Variants in SEPTIN9 observed in about 807,000 individuals in gnomAD.
SEPTIN9 encodes the protein septin 9, also known as septin-9.
In SEPTIN9, 13 loss-of-function variants were observed where a neutral mutation model predicts 56.6. That is an observed-to-expected ratio of 0.23 (90% CI 0.15 to 0.37). SEPTIN9 has a LOEUF of 0.37. Among genes scored for constraint, SEPTIN9 ranks in the 10% least tolerant of loss-of-function variants. SEPTIN9 has a pLI of 1.00. For missense variants in SEPTIN9, 650 were observed against 823.1 expected (o/e 0.79, Z 2.57); for synonymous variants, 332 against 334.1 (o/e 0.99, Z 0.07).
rs2032803589 is a variant in SEPTIN9, at chr17:77,318,986, T to C, written c.76+11789T>C. Among the ~76,000 whole-genome samples the C allele has an allele frequency of 1.3e-5, 2 of 152,216 alleles. No individual in the cohort carries two copies. Among genetic ancestry groups the C allele is most frequent in the South Asian group, 4.1e-4 (2 of 4,836 alleles). ...TTGTCTGAAGAGCAGAACTGTCTTA[T>C]ACCAGCCCTGTGCGGCCAGGCAGGA... On this transcript the variant is annotated intron_variant, in intron 2 of 11. Transcript: ENST00000427177. This position sits in a 1 kb window ranked among gnomAD's most constrained non-coding sequence, Gnocchi z 4.9.
chr17:77,321,241 TAA>T (rs1478427270), intron 2 of SEPTIN9, among the ~76,000 whole-genome samples: 1 of 152,070 alleles, frequency 6.6e-6, no homozygotes, highest in African/African-American at 2.4e-5. Context: ...GGGAGGTCGC[TAA>T]GAGTGTCAAC....
At position 77,450,845 on chromosome 17, in the gene SEPTIN9, C is replaced by G. The variant is rs2037937112; in HGVS notation, c.722-31299C>G. Reference sequence around the variant, plus strand: ...CCTGCTCCTTCTCCCTTCCATGGTCCCAGCCAGCAAGCACCTGGGGTAGAG... The same window carrying G: ...CCTGCTCCTTCTCCCTTCCATGGTCGCAGCCAGCAAGCACCTGGGGTAGAG... On this transcript the variant is annotated intron_variant, in intron 3 of 11. Coordinates refer to ENST00000427177, the MANE Select transcript of SEPTIN9 (RefSeq NM_001113491.2). The surrounding 1 kb of genome is among the most constrained non-coding windows in gnomAD (Gnocchi z 6.0). 2.0e-6 allele frequency: 2 copies of G among 979,718 alleles called. No individual in the cohort carries two copies. Among genetic ancestry groups the G allele is most frequent in the Admixed American group, 1.2e-4 (2 of 16,266 alleles). The allele number at this position is 979,718 out of a possible 1,614,324, so 60.7% of individuals were successfully genotyped here.
At chr17:77,358,044 GTT>G (rs914390636) in intron 2 of SEPTIN9, among the ~76,000 whole-genome samples, 5 of 152,174 alleles carry the variant, frequency 3.3e-5, no homozygotes, top group African/African-American at 1.2e-4. Context: ...CTTTTCACAT[GTT>G]ATTATGAGTC....
At chr17:77,354,218 G>A (rs1382169573) in intron 2 of SEPTIN9, among the ~76,000 whole-genome samples, 1 of 152,190 alleles carries the variant, frequency 6.6e-6, no homozygotes, top group Non-Finnish European at 1.5e-5. Context: ...TTTGTTTCAT[G>A]ACAACCCTGT....
chr17:77,404,500 G>A (rs944391848), intron 3 of SEPTIN9, among the ~76,000 whole-genome samples: 4 of 152,128 alleles, frequency 2.6e-5, no homozygotes, highest in South Asian at 2.1e-4. Context: ...CTCCTGCCTC[G>A]GCCTCCCAAA....
chr17:77,325,869 C>T (rs1193509586), intron 2 of SEPTIN9, among the ~76,000 whole-genome samples: 4 of 152,178 alleles, frequency 2.6e-5, no homozygotes, highest in Non-Finnish European at 5.9e-5. Flanking sequence ...ACCCCTCCCA[C>T]CCACCACATG....
In SEPTIN9 at chr17:77,319,705, G is replaced by A. The variant is rs916542900; in HGVS notation, c.76+12508G>A. Reference sequence around the variant, plus strand: ...GGACAGAGGAAGGCGAGGCAGGCACGCAGGAACTGGGCTTTTTAAACCCTT... The same window carrying A: ...GGACAGAGGAAGGCGAGGCAGGCACACAGGAACTGGGCTTTTTAAACCCTT... On this transcript the variant is annotated intron_variant, in intron 2 of 11. Transcript: ENST00000427177. This position sits in a 1 kb window ranked among gnomAD's most constrained non-coding sequence, Gnocchi z 5.3. 5 of 1,066,442 alleles carry A rather than the reference G, an allele frequency of 4.7e-6. No individual in the cohort carries two copies. The highest frequency in any genetic ancestry group is 5.2e-5 in the Admixed American group (1 of 19,164). The allele number at this position is 1,066,442 out of a possible 1,614,324, so 66.1% of individuals were successfully genotyped here.
At chr17:77,372,632 C>T (rs1287888230) in intron 2 of SEPTIN9, among the ~76,000 whole-genome samples, 1 of 152,268 alleles carries the variant, frequency 6.6e-6, no homozygotes, top group African/African-American at 2.4e-5. Context: ...GCTTCTCTGA[C>T]AGCCGTGTTC....
At chr17:77,343,402 C>T (rs981395595) in intron 2 of SEPTIN9, among the ~76,000 whole-genome samples, 2 of 152,196 alleles carry the variant, frequency 1.3e-5, no homozygotes, top group Non-Finnish European at 2.9e-5. Flanking sequence ...TGTACCCTCC[C>T]GTGGAAGCTC....
chr17:77,460,272 C>G (rs1441371649), intron 3 of SEPTIN9, among the ~76,000 whole-genome samples: 2 of 152,024 alleles, frequency 1.3e-5, no homozygotes, highest in Non-Finnish European at 2.9e-5. Flanking sequence ...GGAGGCTGGT[C>G]CCCCGAGGGG....
intron 2 of SEPTIN9, among the ~76,000 whole-genome samples, chr17:77,315,527 C>T (rs948974177): frequency 1.3e-5 from 2 of 152,140 alleles, no homozygotes; most frequent in African/African-American, 4.8e-5. Context: ...ACCTTGTGAT[C>T]CACCTGCCTC....
intron 2 of SEPTIN9, among the ~76,000 whole-genome samples, chr17:77,314,945 G>A (rs2032641876): frequency 6.6e-6 from 1 of 152,192 alleles, no homozygotes; most frequent in Non-Finnish European, 1.5e-5. Flanking sequence ...ACCTGGGGCG[G>A]CTGAACTGGA....
At chr17:77,478,676 G>A (rs2143155550) in intron 3 of SEPTIN9, among the ~76,000 whole-genome samples, 1 of 152,174 alleles carries the variant, frequency 6.6e-6, no homozygotes, top group East Asian at 1.9e-4. Flanking sequence ...GGTGGCGGGT[G>A]CCTGTAATCC....
At chr17:77,465,228 C>G (rs764236300) in intron 3 of SEPTIN9, among the ~76,000 whole-genome samples, 3 of 152,196 alleles carry the variant, frequency 2.0e-5, no homozygotes, top group Non-Finnish European at 2.9e-5. Flanking sequence ...CACTGTGTAT[C>G]TCTTCATCTG....
intron 10 of SEPTIN9, 58 bp downstream of exon 10, chr17:77,493,134 C>G: frequency 7.3e-7 from 1 of 1,366,778 alleles, no homozygotes; most frequent in Non-Finnish European, 1.0e-6. Flanking sequence ...CTTCTGCTGA[C>G]CCAGAGCCTG....
intron 1 of SEPTIN9, among the ~76,000 whole-genome samples, chr17:77,298,463 ACCT>A (rs1227976202): frequency 1.3e-5 from 2 of 152,062 alleles, no homozygotes. Context: ...GGTTACTCAG[ACCT>A]CCTGGGGAGC....
chr17:77,470,101 A>G (rs1182206297), intron 3 of SEPTIN9, among the ~76,000 whole-genome samples: 2 of 150,838 alleles, frequency 1.3e-5, no homozygotes, highest in Non-Finnish European at 3.0e-5. Context: ...TCATCCACCC[A>G]TCCACTCATT....
chr17:77,488,674 G>A lies in SEPTIN9; in HGVS notation c.1125-53G>A, dbSNP rs115246185. The stretch of plus-strand genomic sequence containing the variant: ...TCTGAGTCCTGGGAATGCACGACCT[G>A]CTTGGGGAGGGCATCTCATGTGCCT... On this transcript the variant is annotated intron_variant, in intron 6 of 11. Transcript: ENST00000427177. 4.4e-3 allele frequency: 7,028 copies of A among 1,610,840 alleles called. 285 individuals are homozygous for A. The African/African-American group carries it at 0.082, about 19-fold the overall frequency.
intron 2 of SEPTIN9, among the ~76,000 whole-genome samples, chr17:77,331,969 T>C (rs1567998126): frequency 6.6e-6 from 1 of 152,196 alleles, no homozygotes; most frequent in African/African-American, 2.4e-5. Context: ...CGTAAAACTT[T>C]TCAAACATAG....
Sources: allele counts gnomAD v4.1 joint callset (sites outside exome capture counted in the v4.1 genomes callset), GRCh38; gene constraint gnomAD v4.1.1; non-coding constraint Gnocchi (gnomAD v3.1); transcripts MANE v1.5; gene names NCBI Gene and HGNC (gene_info 2026-07-23, HGNC 2026-07-21).